Variants in KLHL13 observed in about 807,000 individuals in gnomAD.
KLHL13 encodes kelch-like protein 13.
A neutral mutation model predicts 37.1 loss-of-function variants in KLHL13; 10 were observed. The ratio of observed to expected loss-of-function variants is 0.27; its 90% CI spans 0.17 to 0.46. The LOEUF is 0.46. KLHL13 is among the 20% of genes least tolerant of loss of function. KLHL13 has a pLI of 1.00. For missense variants in KLHL13, 360 were observed against 509.3 expected, an observed-to-expected ratio of 0.71 and a Z score of 2.82; for synonymous variants, 163 against 181.2, an observed-to-expected ratio of 0.90 and a Z score of 0.81.
intron 4 of KLHL13, among the ~76,000 whole-genome samples, chrX:117,916,072 C>T (rs1022061387): frequency 9.9e-5 from 11 of 111,172 alleles, no homozygotes; most frequent in Non-Finnish European, 1.3e-4. Context: ...GCAGGATAAT[C>T]GCTTGAACCT....
At chrX:117,965,989 TGGCACAAGACA>T (rs757379525) in intron 1 of KLHL13, among the ~76,000 whole-genome samples, 239 of 111,720 alleles carry the variant, frequency 2.1e-3, no homozygotes, top group African/African-American at 7.0e-3. Context: ...CTTTGAAAAC[TGGCACAAGACA>T]GGGATGCCCT....
chrX:118,006,469 G>C (rs1002087734), intron 1 of KLHL13, among the ~76,000 whole-genome samples: 1 of 111,060 alleles, frequency 9.0e-6, no homozygotes, highest in Admixed American at 9.6e-5. Context: ...TTGAATATCA[G>C]ATTCCCTGTC....
At chrX:118,082,993 T>C (rs1480763638) in intron 1 of KLHL13, among the ~76,000 whole-genome samples, 1 of 111,980 alleles carries the variant, frequency 8.9e-6, no homozygotes, top group Non-Finnish European at 1.9e-5. Flanking sequence ...CTGTTTTCCT[T>C]ACTCAGGCAA....
chrX:118,018,594 T>C (rs1192002581), intron 1 of KLHL13, among the ~76,000 whole-genome samples: 6 of 111,632 alleles, frequency 5.4e-5, no homozygotes, highest in African/African-American at 1.9e-4. Flanking sequence ...TATAGGACAA[T>C]TTGGAAATAA....
intron 1 of KLHL13, among the ~76,000 whole-genome samples, chrX:118,087,450 A>G (rs2055067875): frequency 9.1e-6 from 1 of 109,492 alleles, no homozygotes; most frequent in Non-Finnish European, 1.9e-5. Context: ...TTATCTATTT[A>G]CTTATATAAA....
chrX:118,115,297 T>A (rs1473607860), intron 1 of KLHL13, among the ~76,000 whole-genome samples: 1 of 112,856 alleles, frequency 8.9e-6, no homozygotes, highest in Non-Finnish European at 1.9e-5. Context: ...TCCATTCAGC[T>A]TTCTTCACAC....
At chrX:118,051,344 T>A (rs868352308) in intron 1 of KLHL13, among the ~76,000 whole-genome samples, 4 of 109,870 alleles carry the variant, frequency 3.6e-5, no homozygotes, top group African/African-American at 1.3e-4. Context: ...ATCAAGACCA[T>A]CCTGGCTAAC....
chrX:118,058,538 T>A (rs1011543142), intron 1 of KLHL13, among the ~76,000 whole-genome samples: 4 of 112,038 alleles, frequency 3.6e-5, no homozygotes, highest in African/African-American at 9.7e-5. Flanking sequence ...TATTACTTCT[T>A]CTGGGTCAAT....
intron 1 of KLHL13, among the ~76,000 whole-genome samples, chrX:117,979,151 T>G (rs761614117): frequency 9.0e-6 from 1 of 111,509 alleles, no homozygotes; most frequent in African/African-American, 3.3e-5. Flanking sequence ...AGGCTGGTCT[T>G]GAACTCCTGG....
intron 1 of KLHL13, among the ~76,000 whole-genome samples, chrX:118,084,813 G>C: frequency 1.8e-5 from 2 of 110,979 alleles, no homozygotes; most frequent in Non-Finnish European, 3.8e-5. Flanking sequence ...GATCACTTGA[G>C]ACCAGGAGTT....
intron 1 of KLHL13, among the ~76,000 whole-genome samples, chrX:118,023,232 T>C (rs921418989): frequency 1.5e-4 from 17 of 111,823 alleles, no homozygotes; most frequent in Admixed American, 9.5e-5. Flanking sequence ...ATGTTGATTG[T>C]GGGCATTCTT....
At chrX:117,910,423 A>C (rs147363234) in intron 4 of KLHL13, among the ~76,000 whole-genome samples, 1,241 of 101,298 alleles carry the variant, frequency 0.012, 13 homozygotes, top group South Asian at 0.03. Flanking sequence ...CACCCCCAAA[A>C]TACTGATAAA....
chrX:117,974,352 T>A (rs1460243761), upstream of KLHL13, among the ~76,000 whole-genome samples: 7 of 112,087 alleles, frequency 6.2e-5, no homozygotes, highest in Non-Finnish European at 1.1e-4. Flanking sequence ...TACCTATTTT[T>A]AAAAAATCAC....
At chrX:117,902,351 C>T (rs979439644) in intron 5 of KLHL13, among the ~76,000 whole-genome samples, 1 of 111,623 alleles carries the variant, frequency 9.0e-6, no homozygotes, top group Non-Finnish European at 1.9e-5. Flanking sequence ...TAGAAACAAA[C>T]GTTAATACAT....
At chrX:117,934,484 C>T (rs73595645) in intron 2 of KLHL13, among the ~76,000 whole-genome samples, 2,483 of 110,213 alleles carry the variant, frequency 0.023, 76 homozygotes, top group African/African-American at 0.077. Context: ...CTCTCTCCTA[C>T]TAACTTTGCC....
At chrX:118,108,964 G>A (rs2055376591) in intron 1 of KLHL13, among the ~76,000 whole-genome samples, 1 of 111,263 alleles carries the variant, frequency 9.0e-6, no homozygotes, top group Admixed American at 9.5e-5. Context: ...GTGCCTCCAT[G>A]CCCAGCTAAT....
Position 117,919,523 on chromosome X carries a change from C to A in KLHL13, c.568G>T (p.Gly190Trp). 3.3e-6 allele frequency: 4 copies of A among 1,196,190 alleles called. No individual in the cohort carries two copies. Among genetic ancestry groups the A allele is most frequent in the Middle Eastern group, 2.3e-4 (1 of 4,307 alleles). The change falls in exon 4 of 7, where the codon GGG (glycine) becomes TGG (tryptophan). Residue 190 changes from glycine (G) to tryptophan (W), a missense_variant and splice_region_variant. Coordinates refer to ENST00000262820, the Ensembl canonical transcript of KLHL13. ...AATCAGATTTCAAAATATCTTACCC[C>A]AGATATGAGAAACACTTTACAGAAG... is the stretch of plus-strand genomic sequence containing the variant.
intron 1 of KLHL13, among the ~76,000 whole-genome samples, chrX:118,079,052 T>C (rs2054959477): frequency 9.1e-6 from 1 of 109,333 alleles, no homozygotes. Flanking sequence ...TAAAAGACAA[T>C]CAACAAAGAA....
chrX:118,025,228 G>A (rs906540716), intron 1 of KLHL13, among the ~76,000 whole-genome samples: 2 of 111,758 alleles, frequency 1.8e-5, no homozygotes, highest in East Asian at 2.8e-4. Context: ...TGATAGTACA[G>A]TAGTCCCTGC....
Sources: gnomAD v4.1 joint callset for allele counts (sites outside exome capture counted in the v4.1 genomes callset) on GRCh38, gnomAD v4.1.1 for gene constraint, MANE v1.5 for transcripts, NCBI Gene and HGNC (gene_info 2026-07-23, HGNC 2026-07-21) for gene names.